Variants in KIF26B observed in about 807,000 individuals in gnomAD.
KIF26B encodes the protein kinesin family member 26B.
KIF26B carries 63 observed loss-of-function variants against 151.2 expected under a neutral mutation model. That is an observed-to-expected ratio of 0.42 (90% confidence interval 0.34 to 0.51). The LOEUF (loss-of-function observed/expected upper bound fraction) is 0.51, where lower values mean the gene tolerates loss of function less well. KIF26B is among the 20% of genes least tolerant of loss of function. KIF26B has a pLI of 0.07. For synonymous variants in KIF26B, 1,357 were observed against 1,262.1 expected, an observed-to-expected ratio of 1.08 and a Z score of -1.59; for missense variants, 2,813 against 2,913.6, an observed-to-expected ratio of 0.97 and a Z score of 0.79.
chr1:245,366,896 A>C lies in KIF26B; in HGVS notation c.528A>C (p.Ala176=). 1 of 1,614,064 alleles carries C rather than the reference A, an allele frequency of 6.2e-7. No homozygotes were observed. Among genetic ancestry groups the C allele is most frequent in the Non-Finnish European group, 8.5e-7 (1 of 1,179,896 alleles). The change falls in exon 3 of 15, where the codon GCA becomes GCC. Residue 176 remains alanine (A), a synonymous_variant. Coordinates refer to ENST00000407071, the MANE Select transcript of KIF26B (RefSeq NM_018012.4). Reference sequence around the variant, plus strand: ...AGGTCCCCAACACCATCCGGAAGGCATGGAACGACCGGGACAACCGCTGTG... The same window carrying C: ...AGGTCCCCAACACCATCCGGAAGGCCTGGAACGACCGGGACAACCGCTGTG... The part of the protein sequence containing the change: ...KLQVPNTIRK[A]WNDRDNRCDI...
intron 4 of KIF26B, among the ~76,000 whole-genome samples, chr1:245,523,191 A>G (rs1661166412): frequency 6.6e-6 from 1 of 152,124 alleles, no homozygotes; most frequent in Non-Finnish European, 1.5e-5. Context: ...ACGCTTGACT[A>G]TTTCTCTTTT....
intron 10 of KIF26B, among the ~76,000 whole-genome samples, chr1:245,661,764 T>G (rs927106989): frequency 1.4e-5 from 2 of 138,756 alleles, no homozygotes; most frequent in Non-Finnish European, 3.1e-5. Flanking sequence ...ACCCTATATG[T>G]ATACACCCAA....
chr1:245,635,985 C>T (rs893232290), intron 9 of KIF26B, among the ~76,000 whole-genome samples: 3 of 152,108 alleles, frequency 2.0e-5, no homozygotes, highest in Non-Finnish European at 4.4e-5. Flanking sequence ...TATCAGGCAA[C>T]ATGCTTTGAG....
intron 2 of KIF26B, among the ~76,000 whole-genome samples, chr1:245,331,546 C>T (rs979944754): frequency 2.0e-5 from 3 of 152,114 alleles, no homozygotes; most frequent in East Asian, 1.9e-4. Flanking sequence ...TGTGACACTT[C>T]GTCTCTAAGT....
In KIF26B at chr1:245,693,936, C is replaced by T. The variant is rs549395235; in HGVS notation, c.5825-4170C>T. Among the ~76,000 whole-genome samples, 5 of 152,288 alleles carry T rather than the reference C, an allele frequency of 3.3e-5. No homozygotes were observed. The East Asian group carries it at 7.7e-4, about 23-fold the overall frequency. On this transcript the variant is annotated intron_variant, in intron 12 of 14. Transcript: ENST00000407071. ...GTTGAGAATAGGTTCAGAATGAGAG[C>T]CTTTTTGAATACACAGTTGGGGGAA...
intron 12 of KIF26B, among the ~76,000 whole-genome samples, chr1:245,693,976 T>C (rs61831280): frequency 0.028 from 4,188 of 152,282 alleles, 90 homozygotes; most frequent in South Asian, 0.079. Flanking sequence ...AGGAGAGTCA[T>C]TGATTCTCTC....
intron 5 of KIF26B, among the ~76,000 whole-genome samples, chr1:245,559,330 C>G (rs897833191): frequency 1.3e-5 from 2 of 152,126 alleles, no homozygotes; most frequent in Admixed American, 6.5e-5. Flanking sequence ...CAGAGTGAGA[C>G]CCTGTCTCAA....
chr1:245,639,417 CTT>C (rs1383764383), intron 9 of KIF26B, among the ~76,000 whole-genome samples: 5 of 151,584 alleles, frequency 3.3e-5, no homozygotes, highest in African/African-American at 1.2e-4. Context: ...AAAAAACAAA[CTT>C]TTTATTTTGT....
chr1:245,549,682 C>T (rs565852782), intron 5 of KIF26B, among the ~76,000 whole-genome samples: 1 of 152,288 alleles, frequency 6.6e-6, no homozygotes, highest in African/African-American at 2.4e-5. Context: ...GCTGTTCTTG[C>T]CTACTGAATT....
chr1:245,245,270 C>T (rs1332958160), intron 2 of KIF26B, among the ~76,000 whole-genome samples: 1 of 152,172 alleles, frequency 6.6e-6, no homozygotes, highest in African/African-American at 2.4e-5. Context: ...AGATAGCCAC[C>T]AGGTGGTCTA....
intron 2 of KIF26B, among the ~76,000 whole-genome samples, chr1:245,173,483 C>G (rs1202580738): frequency 1.3e-5 from 2 of 152,116 alleles, no homozygotes; most frequent in African/African-American, 4.8e-5. Flanking sequence ...CATGGTAATA[C>G]GTACAATCTG....
chr1:245,692,984 T>C (rs982359119), intron 12 of KIF26B, among the ~76,000 whole-genome samples: 3 of 152,116 alleles, frequency 2.0e-5, no homozygotes, highest in Non-Finnish European at 4.4e-5. Context: ...GTTGATGCCA[T>C]AATTACACCA....
chr1:245,243,445 TATACAC>T (rs1420178958), intron 2 of KIF26B, among the ~76,000 whole-genome samples: 3 of 146,044 alleles, frequency 2.1e-5, no homozygotes, highest in East Asian at 2.0e-4. Flanking sequence ...CATATATATA[TATACAC>T]ACACACACAC....
intron 2 of KIF26B, among the ~76,000 whole-genome samples, chr1:245,347,583 G>T (rs967040960): frequency 2.6e-5 from 4 of 152,118 alleles, no homozygotes; most frequent in African/African-American, 9.7e-5. Flanking sequence ...CCCCCTAAAC[G>T]GATAGCAGGC....
At chr1:245,654,508 C>T (rs374706949) in intron 10 of KIF26B, among the ~76,000 whole-genome samples, 2 of 152,226 alleles carry the variant, frequency 1.3e-5, no homozygotes, top group East Asian at 3.9e-4. Context: ...GAAAGCTTCA[C>T]CCTATTTCAT....
At chr1:245,424,078 A>C (rs1298799275) in intron 4 of KIF26B, among the ~76,000 whole-genome samples, 1 of 152,166 alleles carries the variant, frequency 6.6e-6, no homozygotes, top group Non-Finnish European at 1.5e-5. Context: ...ACCTAGGCTC[A>C]AGCAATCCTT....
chr1:245,446,915 T>C (rs1195194520), intron 4 of KIF26B, among the ~76,000 whole-genome samples: 1 of 152,168 alleles, frequency 6.6e-6, no homozygotes, highest in Admixed American at 6.5e-5. Flanking sequence ...GGAGGTTCCA[T>C]GATTTGGGAA....
At chr1:245,649,002 G>A (rs571092031) in intron 10 of KIF26B, among the ~76,000 whole-genome samples, 214 of 152,284 alleles carry the variant, frequency 1.4e-3, no homozygotes, top group African/African-American at 5.0e-3. Flanking sequence ...ACCTTGCTGG[G>A]TTGCCTGGTG....
Position 245,640,159 on chromosome 1 carries a change from A to ATATATATATG in KIF26B, c.2099-5960_2099-5959insTATATATGTA, listed in dbSNP as rs1168172493. Among the ~76,000 whole-genome samples, 208 of 34,364 alleles carry ATATATATATG rather than the reference A, an allele frequency of 6.1e-3. 18 individuals are homozygous for ATATATATATG. The highest frequency in any genetic ancestry group is 0.017 in the African/African-American group (200 of 11,484). 22.5% of individuals were successfully genotyped at this position (34,364 alleles called of 152,430 possible). ...TCTCTCTCTCTATATATATATATAT[A>ATATATATATG]TACCCTGCTATTTGGTTATATATAT... On this transcript the variant is annotated intron_variant, in intron 9 of 14. Transcript: ENST00000407071.
Sources: allele counts gnomAD v4.1 joint callset (sites outside exome capture counted in the v4.1 genomes callset), GRCh38; gene constraint gnomAD v4.1.1; transcripts MANE v1.5; gene names NCBI Gene and HGNC (gene_info 2026-07-23, HGNC 2026-07-21).